Variants in CAPZB observed in about 807,000 individuals in gnomAD.
CAPZB encodes capping actin protein of muscle Z-line subunit beta.
In CAPZB, 2 loss-of-function variants were observed where a neutral mutation model predicts 38.1. The ratio of observed to expected loss-of-function variants is 0.05; its 90% CI spans 0.02 to 0.17. CAPZB has a LOEUF of 0.17. Ranked by LOEUF, CAPZB falls within the 10% of genes least tolerant of loss-of-function variation. The probability of loss-of-function intolerance (pLI) is 1.00; values close to 1 mark genes in which losing one functional copy is unlikely to be tolerated. For synonymous variants in CAPZB, 107 were observed against 127.4 expected, an observed-to-expected ratio of 0.84 and a Z score of 1.08; for missense variants, 161 against 334.2, an observed-to-expected ratio of 0.48 and a Z score of 4.04.
chr1:19,462,813 T>C (rs2094556485), intron 1 of CAPZB, among the ~76,000 whole-genome samples: 1 of 152,192 alleles, frequency 6.6e-6, no homozygotes, highest in Admixed American at 6.5e-5. Context: ...CCACTAGCCT[T>C]CGATAATTTC....
intron 2 of CAPZB, among the ~76,000 whole-genome samples, chr1:19,401,337 TA>T (rs1446575984): frequency 1.3e-5 from 2 of 152,148 alleles, no homozygotes; most frequent in African/African-American, 4.8e-5. Flanking sequence ...GCAGAAGAGC[TA>T]TGCACACAGC....
At chr1:19,413,263 C>T (rs543241858) in intron 2 of CAPZB, among the ~76,000 whole-genome samples, 3 of 152,298 alleles carry the variant, frequency 2.0e-5, no homozygotes, top group African/African-American at 7.2e-5. Flanking sequence ...GCCTGACTTC[C>T]AGGAGGTGCT....
chr1:19,480,245 G>T (rs2094622859), intron 1 of CAPZB, among the ~76,000 whole-genome samples: 1 of 152,156 alleles, frequency 6.6e-6, no homozygotes, highest in Non-Finnish European at 1.5e-5. Flanking sequence ...GTGGTATGCA[G>T]AATAAGACAT....
chr1:19,481,789 C>T (rs2094629729), intron 1 of CAPZB, among the ~76,000 whole-genome samples: 2 of 152,184 alleles, frequency 1.3e-5, no homozygotes, highest in Admixed American at 6.5e-5. Flanking sequence ...CCAGCTTTCT[C>T]TTCAGTTTCC....
At chr1:19,425,927 C>T (rs534330130) in intron 1 of CAPZB, among the ~76,000 whole-genome samples, 1 of 152,330 alleles carries the variant, frequency 6.6e-6, no homozygotes, top group South Asian at 2.1e-4. Context: ...TGTCAGAGTA[C>T]AGGTGCCCAC....
chr1:19,423,576 C>A (rs1416382154), intron 1 of CAPZB, among the ~76,000 whole-genome samples: 1 of 134,568 alleles, frequency 7.4e-6, no homozygotes, highest in Non-Finnish European at 1.5e-5. Flanking sequence ...CCAGGCTGGA[C>A]TGTAGTGGCA....
At chr1:19,361,251 T>C (rs1002653657) in intron 4 of CAPZB, among the ~76,000 whole-genome samples, 9 of 152,350 alleles carry the variant, frequency 5.9e-5, no homozygotes, top group South Asian at 2.1e-4. Context: ...TCGAATCTGT[T>C]CCCTCTCTGA....
chr1:19,401,169 C>T (rs991972501), intron 2 of CAPZB, among the ~76,000 whole-genome samples: 2 of 150,712 alleles, frequency 1.3e-5, no homozygotes, highest in East Asian at 2.0e-4. Context: ...TCCTAAGAGA[C>T]TTAAATTTCC....
intron 1 of CAPZB, among the ~76,000 whole-genome samples, chr1:19,445,614 C>A (rs1172420136): frequency 2.6e-5 from 4 of 152,090 alleles, no homozygotes; most frequent in African/African-American, 9.7e-5. Flanking sequence ...CTTTTAGAAT[C>A]AAATAATTTC....
At chr1:19,383,389 G>C (rs1409415828) in intron 3 of CAPZB, among the ~76,000 whole-genome samples, 1 of 149,786 alleles carries the variant, frequency 6.7e-6, no homozygotes, top group Non-Finnish European at 1.5e-5. Context: ...AGAGGTTGCA[G>C]TGAGCTGAGA....
At position 19,370,386 on chromosome 1, in the gene CAPZB, G is replaced by A. The variant is rs533516786; in HGVS notation, c.329+8154C>T. 2.6e-5 allele frequency among the ~76,000 whole-genome samples: 4 copies of A among 152,340 alleles called. No individual in the cohort carries two copies. The East Asian group carries it at 5.8e-4, about 22-fold the overall frequency. ...AAGGGAACAGAGCAAAGGAGGCTGA[G>A]GGAGAAGGCGCTGGGGCTGGGGTCC... On this transcript the variant is annotated intron_variant, in intron 4 of 8. Coordinates refer to ENST00000264202, the MANE Select transcript of CAPZB (RefSeq NM_004930.5).
intron 1 of CAPZB, among the ~76,000 whole-genome samples, chr1:19,459,251 T>C (rs1570329834): frequency 6.6e-6 from 1 of 152,172 alleles, no homozygotes; most frequent in East Asian, 1.9e-4. Flanking sequence ...CAACCACCTG[T>C]ATGGGTAGAG....
intron 4 of CAPZB, among the ~76,000 whole-genome samples, chr1:19,371,764 C>T (rs765185104): frequency 1.3e-4 from 20 of 152,214 alleles, no homozygotes; most frequent in Non-Finnish European, 2.5e-4. Flanking sequence ...ACTCACGTCC[C>T]GAGGAAGGGG....
At chr1:19,346,818 T>C (rs1355896023) in intron 6 of CAPZB, among the ~76,000 whole-genome samples, 1 of 32,310 alleles carries the variant, frequency 3.1e-5, no homozygotes, top group African/African-American at 9.8e-5. Flanking sequence ...GACTTTTGTC[T>C]TTTTTTTTTT....
intron 1 of CAPZB, among the ~76,000 whole-genome samples, chr1:19,430,906 G>A (rs935987797): frequency 1.3e-5 from 2 of 152,160 alleles, no homozygotes; most frequent in Admixed American, 6.5e-5. Flanking sequence ...ATGGCTCTCC[G>A]CCACGTTTCT....
At chr1:19,441,537 G>A (rs1330286683) in intron 1 of CAPZB, among the ~76,000 whole-genome samples, 2 of 152,082 alleles carry the variant, frequency 1.3e-5, no homozygotes, top group Admixed American at 1.3e-4. Flanking sequence ...ACACAGCAGG[G>A]CATGTTCACC....
intron 6 of CAPZB, among the ~76,000 whole-genome samples, chr1:19,346,840 T>C: frequency 8.6e-6 from 1 of 116,438 alleles, no homozygotes; most frequent in South Asian, 3.0e-4. Flanking sequence ...TTTTTTTTTT[T>C]GAGACGGAGT....
At chr1:19,340,167 A>C (rs1255175913) in intron 8 of CAPZB, among the ~76,000 whole-genome samples, 1 of 152,216 alleles carries the variant, frequency 6.6e-6, no homozygotes, top group East Asian at 1.9e-4. Context: ...TGCAAGGTGC[A>C]GCGTTATCCC....
intron 4 of CAPZB, among the ~76,000 whole-genome samples, chr1:19,369,481 G>C (rs1006680025): frequency 1.3e-5 from 2 of 152,256 alleles, no homozygotes; most frequent in Non-Finnish European, 2.9e-5. Context: ...GCCCCAGGCA[G>C]TGGCAAGCCG....
Sources: allele counts gnomAD v4.1 joint callset (sites outside exome capture counted in the v4.1 genomes callset), GRCh38; gene constraint gnomAD v4.1.1; transcripts MANE v1.5; gene names NCBI Gene and HGNC (gene_info 2026-07-23, HGNC 2026-07-21).